The following CELF2 variants were observed in gnomAD, a reference collection of about 807,000 sequenced individuals.
CELF2 encodes the protein CUG triplet repeat RNA-binding protein 2.
A neutral mutation model predicts 62.6 loss-of-function variants in CELF2; 8 were observed. The observed-to-expected ratio is 0.13, with a 90% CI of 0.07 to 0.23. The LOEUF is 0.23. Ranked by LOEUF, CELF2 falls within the 10% of genes least tolerant of loss-of-function variation. CELF2 has a pLI of 1.00. For missense variants in CELF2, 333 were observed against 671.0 expected (o/e 0.50, Z 5.56); for synonymous variants, 258 against 250.0 (o/e 1.03, Z -0.30).
intron 1 of CELF2, chr10:11,092,200 T>C (rs1281054604): frequency 6.6e-6 from 1 of 152,234 alleles, no homozygotes; most frequent in Non-Finnish European, 1.5e-5. Context: ...CTTACCTTAT[T>C]CATAGGTGTT....
At chr10:10,534,342 G>A in the CELF2 span, among the ~76,000 whole-genome samples, 2 of 152,170 alleles carry the variant, frequency 1.3e-5, no homozygotes, top group Non-Finnish European at 2.9e-5. Flanking sequence ...AATAATTTGA[G>A]GCAACTCAGA....
At chr10:10,905,491 C>T (rs1269899852) in intron 1 of CELF2, among the ~76,000 whole-genome samples, 1 of 152,008 alleles carries the variant, frequency 6.6e-6, no homozygotes, top group Non-Finnish European at 1.5e-5. Context: ...GCCCGTTAAT[C>T]CCAGCACTTA....
rs2074752901 is a variant in CELF2, at chr10:11,243,787, T to C, written c.355-5366T>C. On this transcript the variant is annotated intron_variant, in intron 3 of 12. Transcript: ENST00000633077. This position sits in a 1 kb window ranked among gnomAD's most constrained non-coding sequence, Gnocchi z 4.1. ...AGCCCATACTGTGTCTGAAAAATAC[T>C]CACTCCTGAATTAAAACTTCCCATT... 6.6e-6 allele frequency among the ~76,000 whole-genome samples: 1 copy of C among 152,214 alleles called. No homozygotes were observed. The highest frequency in any genetic ancestry group is 2.4e-5 in the African/African-American group (1 of 41,450).
chr10:10,708,303 A>G, the CELF2 span, among the ~76,000 whole-genome samples: 2 of 152,192 alleles, frequency 1.3e-5, no homozygotes, highest in Admixed American at 6.5e-5. Flanking sequence ...TTTACAGAAG[A>G]GGAAATTGAG....
the CELF2 span, among the ~76,000 whole-genome samples, chr10:10,646,894 G>A: frequency 6.6e-6 from 1 of 152,108 alleles, no homozygotes; most frequent in East Asian, 1.9e-4. Flanking sequence ...TTTGCCCCAC[G>A]CTAATGATCT....
At chr10:10,942,437 T>A (rs1049171643) in intron 2 of CELF2, among the ~76,000 whole-genome samples, 1 of 152,224 alleles carries the variant, frequency 6.6e-6, no homozygotes, top group Non-Finnish European at 1.5e-5. Context: ...TCTATTGGAA[T>A]GAGGGCCTTA....
chr10:10,984,276 A>G (rs770345490), intron 2 of CELF2, among the ~76,000 whole-genome samples: 6 of 152,176 alleles, frequency 3.9e-5, no homozygotes, highest in Non-Finnish European at 8.8e-5. Flanking sequence ...TTCACATCCC[A>G]TCATAAAATA....
intron 1 of CELF2, among the ~76,000 whole-genome samples, chr10:11,006,424 T>G (rs1338308730): frequency 3.3e-5 from 5 of 152,232 alleles, no homozygotes; most frequent in African/African-American, 1.2e-4. Context: ...AGTTAGAGAT[T>G]TATTTCTTAC....
chr10:10,941,584 A>G (rs1257560895), intron 2 of CELF2, among the ~76,000 whole-genome samples: 7 of 152,214 alleles, frequency 4.6e-5, no homozygotes, highest in African/African-American at 1.7e-4. Context: ...GCTAGAGAAA[A>G]CAACAGCCAA....
intron 8 of CELF2, among the ~76,000 whole-genome samples, chr10:11,284,403 T>C (rs1159811756): frequency 2.1e-5 from 3 of 139,586 alleles, no homozygotes; most frequent in East Asian, 2.2e-4. Flanking sequence ...GGTGGGTGGA[T>C]GATGGATGAC....
chr10:10,910,822 T>G (rs1293636234), intron 1 of CELF2, among the ~76,000 whole-genome samples: 1 of 152,150 alleles, frequency 6.6e-6, no homozygotes, highest in Non-Finnish European at 1.5e-5. Flanking sequence ...GGAGTACAAG[T>G]TGGTAAGTGA....
At chr10:10,710,415 A>G in the CELF2 span, among the ~76,000 whole-genome samples, 1 of 152,224 alleles carries the variant, frequency 6.6e-6, no homozygotes, top group Non-Finnish European at 1.5e-5. Context: ...GAATAATTAC[A>G]GGGAAACCAG....
chr10:11,073,252 G>A (rs962821744), intron 1 of CELF2, among the ~76,000 whole-genome samples: 2 of 152,086 alleles, frequency 1.3e-5, no homozygotes, highest in African/African-American at 4.8e-5. Context: ...TTGACAATTC[G>A]CTTTCAAATT....
chr10:10,879,316 T>C (rs1186384949), intron 1 of CELF2, among the ~76,000 whole-genome samples: 1 of 152,158 alleles, frequency 6.6e-6, no homozygotes, highest in Non-Finnish European at 1.5e-5. Flanking sequence ...CTCCAACATA[T>C]ACAATACTTA....
chr10:10,837,223 G>C (rs1238893209), intron 1 of CELF2, among the ~76,000 whole-genome samples: 1 of 152,172 alleles, frequency 6.6e-6, no homozygotes, highest in Non-Finnish European at 1.5e-5. Flanking sequence ...CCTCCATATT[G>C]TTCTGGAGGA....
chr10:10,933,329 T>C (rs2066285748), intron 2 of CELF2, among the ~76,000 whole-genome samples: 1 of 152,136 alleles, frequency 6.6e-6, no homozygotes, highest in Non-Finnish European at 1.5e-5. Flanking sequence ...ATAATAGTTA[T>C]ACATATTTAT....
intron 1 of CELF2, among the ~76,000 whole-genome samples, chr10:10,915,538 T>C (rs1021126147): frequency 6.6e-6 from 1 of 152,100 alleles, no homozygotes; most frequent in African/African-American, 2.4e-5. Flanking sequence ...CCAAAGTAGC[T>C]AGGATTATAG....
rs2080091575 is a variant in CELF2 at position 11,260,252 on chromosome 10, A to C, written c.538+2380A>C. On this transcript the variant is annotated intron_variant, in intron 5 of 12. Coordinates refer to ENST00000633077, the MANE Select transcript of CELF2 (RefSeq NM_001326342.2). The surrounding 1 kb of genome is among the most constrained non-coding windows in gnomAD (Gnocchi z 4.2). ...GCATACCCTCTGCATGTGTTAGCGG[A>C]GAGACCCCGGGCGGGCAGTATGTGT... 6.6e-6 allele frequency among the ~76,000 whole-genome samples: 1 copy of C among 152,142 alleles called. No individual in the cohort carries two copies. The highest frequency in any genetic ancestry group is 1.5e-5 in the Non-Finnish European group (1 of 68,026).
In CELF2 at chr10:11,178,166, A is replaced by G. The variant is rs931479394; in HGVS notation, c.271+12484A>G. Among the ~76,000 whole-genome samples the G allele has an allele frequency of 2.6e-5, 4 of 152,194 alleles. No individual in the cohort carries two copies. The highest frequency in any genetic ancestry group is 4.8e-5 in the African/African-American group (2 of 41,450). On this transcript the variant is annotated intron_variant, in intron 2 of 12. Coordinates refer to ENST00000633077, the MANE Select transcript of CELF2 (RefSeq NM_001326342.2). This position sits in a 1 kb window ranked among gnomAD's most constrained non-coding sequence, Gnocchi z 4.3. ...CAACCTGGTTCGGCGCAAAGAGGAA[A>G]TGCGCGTTCTGTGCCCAGTCCTCGC...
Sources: allele counts gnomAD v4.1 joint callset (sites outside exome capture counted in the v4.1 genomes callset), GRCh38; gene constraint gnomAD v4.1.1; non-coding constraint Gnocchi (gnomAD v3.1); transcripts MANE v1.5; gene names NCBI Gene and HGNC (gene_info 2026-07-23, HGNC 2026-07-21).